Variants in MARCHF6 observed in about 807,000 individuals in gnomAD.
MARCHF6 encodes E3 ubiquitin-protein ligase MARCHF6.
MARCHF6 carries 31 observed loss-of-function variants against 133.7 expected under a neutral mutation model. The ratio of observed to expected loss-of-function variants is 0.23; its 90% confidence interval spans 0.17 to 0.31. MARCHF6 has a LOEUF of 0.31. MARCHF6 is among the 10% of genes least tolerant of loss of function. The pLI is 1.00. For synonymous variants in MARCHF6, 395 were observed against 402.5 expected (o/e 0.98, Z 0.22); for missense variants, 723 against 1,121.6 (o/e 0.64, Z 5.08).
chr5:10,397,259 T>G (rs1273888328), intron 9 of MARCHF6, 34 bp from the exon 10 acceptor site: 21 of 1,462,840 alleles, frequency 1.4e-5, no homozygotes, highest in Non-Finnish European at 1.9e-5. Flanking sequence ...TAAGTATGAA[T>G]TGAATATGCT....
rs1305866960 is a variant in MARCHF6, at chr5:10,433,688, A to C, written c.*4A>C. ...TCCACAGTCATCCCAAGAATAAAGT[A>C]GTTGTCTCAACAACTTGACCTTCCC... is the stretch of plus-strand genomic sequence containing the variant. On this transcript the variant is annotated 3_prime_UTR_variant, in exon 26 of 26. Coordinates refer to ENST00000274140, the MANE Select transcript of MARCHF6 (RefSeq NM_005885.4). The C allele has an allele frequency of 6.2e-7, 1 of 1,612,278 alleles. No homozygotes were observed. Among genetic ancestry groups the C allele is most frequent in the African/African-American group, 1.3e-5 (1 of 74,896 alleles).
rs923505602 is a variant in MARCHF6 at position 10,415,326 on chromosome 5, C to T, written c.1967-162C>T. ...TTGTGATTTCATCAAATTGTGTACT[C>T]TTTAGACATTGTGATTTTTGTCTTT... On this transcript the variant is annotated intron_variant, in intron 20 of 25. Coordinates refer to ENST00000274140, the MANE Select transcript of MARCHF6 (RefSeq NM_005885.4). 13 of 673,604 alleles carry T rather than the reference C, an allele frequency of 1.9e-5. No individual in the cohort carries two copies. The African/African-American group carries it at 2.2e-4, about 11-fold the overall frequency. The allele number at this position is 673,604 out of a possible 1,614,324, so 41.7% of individuals were successfully genotyped here. A position where few individuals can be genotyped will look rare whatever the true frequency, so the allele number is the denominator to read the frequency against.
chr5:10,392,847 G>A (rs1737951436), intron 7 of MARCHF6, among the ~76,000 whole-genome samples: 1 of 151,940 alleles, frequency 6.6e-6, no homozygotes, highest in African/African-American at 2.4e-5. Flanking sequence ...TTCCTGTCAA[G>A]CTTTGCACTA....
At chr5:10,396,393 G>T (rs754543685) in intron 9 of MARCHF6, among the ~76,000 whole-genome samples, 3 of 152,194 alleles carry the variant, frequency 2.0e-5, no homozygotes, top group Non-Finnish European at 4.4e-5. Context: ...TATAAAATGT[G>T]TTGGGGATAG....
At chr5:10,365,111 T>A (rs372340799) in intron 1 of MARCHF6, among the ~76,000 whole-genome samples, 1 of 151,828 alleles carries the variant, frequency 6.6e-6, no homozygotes, top group African/African-American at 2.4e-5. Flanking sequence ...CCTCCCTGCT[T>A]CTTCTGATCT....
chr5:10,426,611 C>T (rs1439108457), intron 24 of MARCHF6, 89 bp downstream of exon 24: 6 of 1,335,670 alleles, frequency 4.5e-6, no homozygotes, highest in Non-Finnish European at 6.2e-6. Context: ...ATGTCTCACT[C>T]CATATGCTTT....
In MARCHF6 at chr5:10,421,449, A is replaced by G. The variant is rs148214404; in HGVS notation, c.2284-2286A>G. Among the ~76,000 whole-genome samples the G allele has an allele frequency of 3.4e-3, 517 of 152,334 alleles. 3 individuals are homozygous for G. Among genetic ancestry groups the G allele is most frequent in the African/African-American group, 0.012 (491 of 41,586 alleles). On this transcript the variant is annotated intron_variant, in intron 22 of 25. Transcript: ENST00000274140. ...CAGCGTGCTATCCTTAATGTTTTGC[A>G]TTAAACCCCCAAGTTTTTGAAGGAA... is the stretch of plus-strand genomic sequence containing the variant.
rs772832633 is a variant in MARCHF6 at position 10,433,725 on chromosome 5, CT to C, written c.*47del. 32 of 1,516,986 alleles carry C rather than the reference CT, an allele frequency of 2.1e-5. No individual in the cohort carries two copies. The highest frequency in any genetic ancestry group is 2.8e-5 in the Non-Finnish European group (31 of 1,092,124). The allele number at this position is 1,516,986 out of a possible 1,614,324, so 94.0% of individuals were successfully genotyped here. ...AACTTGACCTTCCCCTTTACATGTC[CT>C]TTTTTGTGGACTTCTCTCTTTGGAG... On this transcript the variant is annotated 3_prime_UTR_variant, in exon 26 of 26. Coordinates refer to ENST00000274140, the MANE Select transcript of MARCHF6 (RefSeq NM_005885.4).
intron 9 of MARCHF6, among the ~76,000 whole-genome samples, chr5:10,395,268 T>G (rs543437820): frequency 2.6e-5 from 4 of 152,282 alleles, no homozygotes; most frequent in South Asian, 4.1e-4. Context: ...AAGGTAATAT[T>G]TTTAAAAAAT....
At chr5:10,418,397 A>T (rs898301071) in intron 22 of MARCHF6, among the ~76,000 whole-genome samples, 7 of 151,480 alleles carry the variant, frequency 4.6e-5, no homozygotes, top group African/African-American at 1.7e-4. Flanking sequence ...AAAAAAAAAA[A>T]CCAAGAGCAT....
At position 10,417,353 on chromosome 5, in the gene MARCHF6, G is replaced by A; in HGVS notation, c.2232G>A (p.Val744=). Residue 744 remains valine, a synonymous_variant, in exon 22 of 26, where the codon GTG becomes GTA. Coordinates refer to ENST00000274140, the MANE Select transcript of MARCHF6 (RefSeq NM_005885.4). ...LLGLLFELVI[V]APLRVPLDQT... ...GGCTCCTGTTTGAGCTGGTCATTGTGGCTCCCCTGAGGGTTCCCTTGGATC... is the reference window on the plus strand; with the variant it reads ...GGCTCCTGTTTGAGCTGGTCATTGTAGCTCCCCTGAGGGTTCCCTTGGATC... 1 of 1,614,118 alleles carries A rather than the reference G, an allele frequency of 6.2e-7. No homozygotes were observed. Among genetic ancestry groups the A allele is most frequent in the Non-Finnish European group, 8.5e-7 (1 of 1,180,002 alleles).
intron 10 of MARCHF6, 28 bp downstream of exon 10, chr5:10,397,372 TA>T: frequency 6.7e-7 from 1 of 1,492,272 alleles, no homozygotes; most frequent in Non-Finnish European, 9.1e-7. Context: ...TTTTTTTTTT[TA>T]TAGTATTATG....
intron 1 of MARCHF6, among the ~76,000 whole-genome samples, chr5:10,364,122 A>T (rs1735985401): frequency 6.6e-6 from 1 of 152,258 alleles, no homozygotes; most frequent in Admixed American, 6.5e-5. Context: ...GTTAATTAAA[A>T]CTACTGTGAG....
intron 1 of MARCHF6, among the ~76,000 whole-genome samples, chr5:10,364,408 T>A (rs1027585946): frequency 6.6e-6 from 1 of 152,152 alleles, no homozygotes; most frequent in African/African-American, 2.4e-5. Context: ...TGTATGAAGG[T>A]GTTCATTAAA....
At position 10,391,595 on chromosome 5, in the gene MARCHF6, C is replaced by T; in HGVS notation, c.630C>T (p.Asn210=). The change falls in exon 7 of 26, where the codon AAC becomes AAT. Residue 210 remains asparagine (N), a synonymous_variant. Transcript: ENST00000274140. ...ATGTTGCTGCTGATCAGCCTGCTAACCCACCAGCTGAGAACGCAGTGGTGG... is the reference window on the plus strand; with the variant it reads ...ATGTTGCTGCTGATCAGCCTGCTAATCCACCAGCTGAGAACGCAGTGGTGG... ...AENVAADQPA[N]PPAENAVVGE... 6.2e-7 allele frequency: 1 copy of T among 1,612,996 alleles called. No individual in the cohort carries two copies. The highest frequency in any genetic ancestry group is 2.2e-5 in the East Asian group (1 of 44,738).
chr5:10,404,076 T>TTTACTTAC (rs1412105881), intron 15 of MARCHF6, among the ~76,000 whole-genome samples: 7 of 136,210 alleles, frequency 5.1e-5, no homozygotes, highest in Admixed American at 1.5e-4. Flanking sequence ...TATTTATTTA[T>TTTACTTAC]TTACTTATTT....
At chr5:10,361,888 C>T (rs1205597268) in intron 1 of MARCHF6, among the ~76,000 whole-genome samples, 4 of 151,844 alleles carry the variant, frequency 2.6e-5, no homozygotes, top group African/African-American at 9.7e-5. Context: ...CTCAGCCTCC[C>T]GAGTAGCTGG....
At chr5:10,367,422 C>T (rs1736201211) in intron 1 of MARCHF6, among the ~76,000 whole-genome samples, 1 of 152,100 alleles carries the variant, frequency 6.6e-6, no homozygotes, top group Non-Finnish European at 1.5e-5. Context: ...AAGTCTAAGA[C>T]TTCTAAAATC....
At chr5:10,358,556 TTA>T (rs1464975234) in intron 1 of MARCHF6, among the ~76,000 whole-genome samples, 1 of 152,230 alleles carries the variant, frequency 6.6e-6, no homozygotes, top group Non-Finnish European at 1.5e-5. Context: ...TACATAACAT[TTA>T]TGTTATAATT....
Sources: gnomAD v4.1 joint callset for allele counts (sites outside exome capture counted in the v4.1 genomes callset) on GRCh38, gnomAD v4.1.1 for gene constraint, MANE v1.5 for transcripts, NCBI Gene and HGNC (gene_info 2026-07-23, HGNC 2026-07-21) for gene names.